CDKAL1: variants seen among roughly 807,000 people sequenced by gnomAD.
CDKAL1 encodes threonylcarbamoyladenosine tRNA methylthiotransferase.
CDKAL1 carries 32 observed loss-of-function variants against 68.2 expected under a neutral mutation model. The observed-to-expected ratio is 0.47, with a 90% CI of 0.35 to 0.63. The LOEUF is 0.63. Among genes scored for constraint, CDKAL1 ranks in the 30% least tolerant of loss-of-function variants. The pLI is 0.00. For synonymous variants in CDKAL1, 234 were observed against 244.3 expected, an observed-to-expected ratio of 0.96 and a Z score of 0.39; for missense variants, 606 against 696.7, an observed-to-expected ratio of 0.87 and a Z score of 1.47.
chr6:20,718,314 C>A (rs1423209824), intron 5 of CDKAL1, among the ~76,000 whole-genome samples: 2 of 152,116 alleles, frequency 1.3e-5, no homozygotes, highest in African/African-American at 4.8e-5. Flanking sequence ...TCTGGAAAAG[C>A]CTAAACAGTA....
chr6:20,642,676 TG>T (rs1326310437), intron 4 of CDKAL1, among the ~76,000 whole-genome samples: 1 of 152,130 alleles, frequency 6.6e-6, no homozygotes. Context: ...GAGTGCAAAG[TG>T]GCACACCTTT....
intron 15 of CDKAL1, among the ~76,000 whole-genome samples, 179 bp downstream of exon 15, chr6:21,201,453 A>G (rs1211601367): frequency 1.3e-5 from 2 of 152,210 alleles, no homozygotes; most frequent in African/African-American, 4.8e-5. Flanking sequence ...GCTGATGCCG[A>G]TAGCTTTGCT....
At chr6:20,966,794 T>A (rs1181162206) in intron 10 of CDKAL1, among the ~76,000 whole-genome samples, 1 of 152,244 alleles carries the variant, frequency 6.6e-6, no homozygotes, top group African/African-American at 2.4e-5. Context: ...ATGTGGAATA[T>A]CAGGCTACCT....
chr6:20,932,000 C>T (rs879905344), intron 9 of CDKAL1, among the ~76,000 whole-genome samples: 2 of 152,124 alleles, frequency 1.3e-5, no homozygotes, highest in Admixed American at 1.3e-4. Context: ...TAAAATCTTG[C>T]CTTTGTATCA....
At chr6:20,940,444 A>G (rs1763915464) in intron 9 of CDKAL1, among the ~76,000 whole-genome samples, 1 of 152,236 alleles carries the variant, frequency 6.6e-6, no homozygotes, top group Non-Finnish European at 1.5e-5. Context: ...GTATAATTTA[A>G]AATGTTCTAG....
chr6:20,767,725 A>G (rs573839327), intron 7 of CDKAL1, among the ~76,000 whole-genome samples: 1 of 152,352 alleles, frequency 6.6e-6, no homozygotes, highest in African/African-American at 2.4e-5. Context: ...GATTATTACA[A>G]TAATGTTTAA....
At chr6:21,219,564 C>A (rs563785031) in intron 15 of CDKAL1, among the ~76,000 whole-genome samples, 1 of 152,302 alleles carries the variant, frequency 6.6e-6, no homozygotes, top group African/African-American at 2.4e-5. Context: ...ATGTAGGAAA[C>A]ATTTTACATA....
At chr6:20,780,553 A>ATT (rs1222148629) in intron 7 of CDKAL1, among the ~76,000 whole-genome samples, 2 of 151,988 alleles carry the variant, frequency 1.3e-5, no homozygotes, top group Non-Finnish European at 2.9e-5. Context: ...GCTAGAGAGT[A>ATT]TTTATACCTG....
At chr6:20,783,671 C>T (rs764892487) in intron 8 of CDKAL1, among the ~76,000 whole-genome samples, 1 of 152,172 alleles carries the variant, frequency 6.6e-6, no homozygotes, top group Non-Finnish European at 1.5e-5. Context: ...CTATCCCTCA[C>T]TCTAATTTGT....
At chr6:21,223,075 T>C (rs1779595821) in intron 15 of CDKAL1, among the ~76,000 whole-genome samples, 1 of 152,160 alleles carries the variant, frequency 6.6e-6, no homozygotes, top group Admixed American at 6.5e-5. Context: ...TTTTCTGGAA[T>C]GGCCTCTGTA....
chr6:21,174,606 A>G (rs750931716), intron 13 of CDKAL1, among the ~76,000 whole-genome samples: 7 of 152,178 alleles, frequency 4.6e-5, no homozygotes, highest in Non-Finnish European at 8.8e-5. Flanking sequence ...AAAATGTTAT[A>G]TACAGTATTG....
intron 5 of CDKAL1, among the ~76,000 whole-genome samples, chr6:20,657,159 T>C (rs745353295): frequency 6.6e-6 from 1 of 152,216 alleles, no homozygotes; most frequent in Admixed American, 6.5e-5. Flanking sequence ...AGATGAGTAG[T>C]GTAACATTGT....
chr6:20,642,500 G>A (rs1462835282), intron 4 of CDKAL1, among the ~76,000 whole-genome samples: 3 of 148,016 alleles, frequency 2.0e-5, no homozygotes, highest in Admixed American at 1.4e-4. Context: ...AAAACACTGC[G>A]AGGGGCCCTT....
In CDKAL1 at chr6:21,133,714, A is replaced by G. The variant is rs533622814; in HGVS notation, c.1299+25251A>G. On this transcript the variant is annotated intron_variant, in intron 13 of 15. Coordinates refer to ENST00000274695, the MANE Select transcript of CDKAL1 (RefSeq NM_017774.3). ...TATTCATTCATCTTGCAAAACAGTC[A>G]TAATGTATGCAAGGTCTTTATATAG... Among the ~76,000 whole-genome samples the G allele has an allele frequency of 5.1e-4, 78 of 152,374 alleles. 1 individual carries two copies. In the South Asian group the frequency reaches 0.013, roughly 26 times the overall value.
chr6:21,224,248 G>A (rs1269942592), intron 15 of CDKAL1, among the ~76,000 whole-genome samples: 1 of 152,176 alleles, frequency 6.6e-6, no homozygotes. Context: ...ATTATTCTGG[G>A]TTATCTAAGT....
chr6:20,743,616 T>C (rs1773547876), intron 6 of CDKAL1, among the ~76,000 whole-genome samples: 1 of 152,214 alleles, frequency 6.6e-6, no homozygotes, highest in Non-Finnish European at 1.5e-5. Flanking sequence ...AGCAATTTTT[T>C]GACCTCTGGG....
At chr6:21,222,034 C>T (rs781186789) in intron 15 of CDKAL1, among the ~76,000 whole-genome samples, 3 of 152,218 alleles carry the variant, frequency 2.0e-5, no homozygotes, top group Non-Finnish European at 2.9e-5. Context: ...CTTTGGTGGA[C>T]GTCAAGGCAG....
At chr6:20,755,407 T>C (rs1041992891) in intron 6 of CDKAL1, among the ~76,000 whole-genome samples, 1 of 152,178 alleles carries the variant, frequency 6.6e-6, no homozygotes. Flanking sequence ...TGGTTATAAC[T>C]TTCTGTCCTT....
intron 4 of CDKAL1, among the ~76,000 whole-genome samples, chr6:20,640,400 C>G (rs1197122158): frequency 2.0e-5 from 3 of 152,184 alleles, no homozygotes; most frequent in Non-Finnish European, 4.4e-5. Context: ...ACCGTGCTGT[C>G]TCTTCTATAA....
Sources: allele counts gnomAD v4.1 joint callset (sites outside exome capture counted in the v4.1 genomes callset), GRCh38; gene constraint gnomAD v4.1.1; transcripts MANE v1.5; gene names NCBI Gene and HGNC (gene_info 2026-07-23, HGNC 2026-07-21).